The following TBC1D5 variants were observed in gnomAD, a reference collection of about 807,000 sequenced individuals.
TBC1D5 encodes TBC1 domain family member 5.
TBC1D5 carries 75 observed loss-of-function variants against 100.3 expected under a neutral mutation model. That is an observed-to-expected ratio of 0.75 (90% CI 0.62 to 0.91). The LOEUF is 0.91. TBC1D5 is among the 40% of genes least tolerant of loss of function. The pLI is 0.00. For missense variants in TBC1D5, 910 were observed against 942.4 expected, an observed-to-expected ratio of 0.97 and a Z score of 0.45; for synonymous variants, 323 against 325.6, an observed-to-expected ratio of 0.99 and a Z score of 0.09.
At chr3:17,736,510 T>C (rs2076976945) in intron 1 of TBC1D5, among the ~76,000 whole-genome samples, 1 of 152,164 alleles carries the variant, frequency 6.6e-6, no homozygotes, top group Non-Finnish European at 1.5e-5. Flanking sequence ...GAATATGCAG[T>C]AGACAAACAT....
intron 2 of TBC1D5, among the ~76,000 whole-genome samples, chr3:17,529,685 C>T (rs909957201): frequency 6.6e-6 from 1 of 151,630 alleles, no homozygotes; most frequent in African/African-American, 2.4e-5. Context: ...CTTGTTCTGT[C>T]GGCCAGGCTG....
At chr3:17,259,713 G>T (rs1334416929) in intron 15 of TBC1D5, among the ~76,000 whole-genome samples, 1 of 33,932 alleles carries the variant, frequency 2.9e-5, no homozygotes, top group East Asian at 3.9e-3. Flanking sequence ...ATGCAGGCAC[G>T]GGGGGGGTTG....
intron 13 of TBC1D5, among the ~76,000 whole-genome samples, chr3:17,347,168 G>A (rs963475453): frequency 6.6e-6 from 1 of 152,172 alleles, no homozygotes; most frequent in African/African-American, 2.4e-5. Context: ...GGTTTTGGAT[G>A]TAGATCCTTC....
At chr3:17,736,609 A>T (rs553222289) in intron 1 of TBC1D5, among the ~76,000 whole-genome samples, 1 of 152,304 alleles carries the variant, frequency 6.6e-6, no homozygotes, top group South Asian at 2.1e-4. Context: ...CAAGGCAATC[A>T]ATCCACTATC....
At chr3:17,443,597 TA>T (rs2094716482) in intron 3 of TBC1D5, among the ~76,000 whole-genome samples, 1 of 152,228 alleles carries the variant, frequency 6.6e-6, no homozygotes, top group African/African-American at 2.4e-5. Context: ...TTGGCTTACG[TA>T]AACTCTAAAG....
intron 1 of TBC1D5, among the ~76,000 whole-genome samples, chr3:17,708,249 A>C (rs1345032857): frequency 6.6e-6 from 1 of 152,064 alleles, no homozygotes; most frequent in Admixed American, 6.5e-5. Flanking sequence ...TGCTTCTTTT[A>C]ATTCCACATT....
chr3:17,651,381 T>A (rs1326291574), intron 1 of TBC1D5, among the ~76,000 whole-genome samples: 1 of 152,222 alleles, frequency 6.6e-6, no homozygotes, highest in Non-Finnish European at 1.5e-5. Flanking sequence ...ATAAGTTACA[T>A]CATCAGACCT....
chr3:17,285,146 C>T (rs1335146934), intron 15 of TBC1D5, among the ~76,000 whole-genome samples: 1 of 149,006 alleles, frequency 6.7e-6, no homozygotes, highest in African/African-American at 2.5e-5. Context: ...TAGTAACATA[C>T]TAGAAAATCT....
At chr3:17,373,524 AC>A (rs1447825361) in intron 12 of TBC1D5, among the ~76,000 whole-genome samples, 3 of 152,298 alleles carry the variant, frequency 2.0e-5, no homozygotes, top group East Asian at 3.9e-4. Flanking sequence ...TAGGTATATA[AC>A]AAGAGAAATG....
intron 3 of TBC1D5, among the ~76,000 whole-genome samples, chr3:17,474,018 G>A (rs2095410577): frequency 6.6e-6 from 1 of 151,882 alleles, no homozygotes; most frequent in Non-Finnish European, 1.5e-5. Context: ...CTTTTACAAT[G>A]TAAGTAACTT....
exon 5 of TBC1D5, chr3:17,406,480 T>C (rs781139599): frequency 4.3e-6 from 7 of 1,612,248 alleles, no homozygotes; most frequent in East Asian, 2.2e-5. Flanking sequence ...TTCTGCCTTA[T>C]TGTTGCCAAG....
At chr3:17,545,451 C>T (rs921085149) in intron 2 of TBC1D5, among the ~76,000 whole-genome samples, 2 of 152,164 alleles carry the variant, frequency 1.3e-5, no homozygotes, top group African/African-American at 4.8e-5. Context: ...TTTGTGGTAC[C>T]GTGTTACGAC....
intron 2 of TBC1D5, among the ~76,000 whole-genome samples, chr3:17,532,873 T>A (rs975134494): frequency 4.6e-5 from 7 of 150,606 alleles, no homozygotes; most frequent in Non-Finnish European, 1.0e-4. Flanking sequence ...CATTAGGAGA[T>A]ATAGCGAATA....
chr3:17,275,533 CT>C (rs1559533569), intron 15 of TBC1D5, among the ~76,000 whole-genome samples: 1 of 152,150 alleles, frequency 6.6e-6, no homozygotes, highest in Non-Finnish European at 1.5e-5. Context: ...GAGTAAGACT[CT>C]GTCTCTTTAA....
intron 13 of TBC1D5, among the ~76,000 whole-genome samples, chr3:17,312,331 C>T (rs972658881): frequency 6.6e-6 from 1 of 152,100 alleles, no homozygotes; most frequent in African/African-American, 2.4e-5. Flanking sequence ...CTGAAGGATG[C>T]TTACCTGTTT....
At chr3:17,294,447 T>A (rs1052447367) in intron 14 of TBC1D5, among the ~76,000 whole-genome samples, 3 of 152,208 alleles carry the variant, frequency 2.0e-5, no homozygotes, top group East Asian at 1.9e-4. Flanking sequence ...GGTCTTGAAC[T>A]CCTGTAGAAC....
intron 3 of TBC1D5, among the ~76,000 whole-genome samples, chr3:17,501,920 C>T (rs1479597853): frequency 6.7e-6 from 1 of 149,754 alleles, no homozygotes; most frequent in Non-Finnish European, 1.5e-5. Context: ...TCACATGCTT[C>T]GCCTTGTTAT....
intron 3 of TBC1D5, among the ~76,000 whole-genome samples, chr3:17,492,880 C>T (rs182838511): frequency 6.6e-6 from 1 of 152,320 alleles, no homozygotes; most frequent in Non-Finnish European, 1.5e-5. Flanking sequence ...TGGGTCTTGA[C>T]TCTTTATTCA....
chr3:17,583,911 T>C (rs749268328), intron 2 of TBC1D5, among the ~76,000 whole-genome samples: 71 of 152,296 alleles, frequency 4.7e-4, no homozygotes, highest in Non-Finnish European at 7.4e-4. Context: ...TACACGCGTT[T>C]AGAGCAGCAC....
Sources: gnomAD v4.1 joint callset for allele counts (sites outside exome capture counted in the v4.1 genomes callset) on GRCh38, gnomAD v4.1.1 for gene constraint, MANE v1.5 for transcripts, NCBI Gene and HGNC (gene_info 2026-07-23, HGNC 2026-07-21) for gene names.